ZNF469: variants seen among roughly 807,000 people sequenced by gnomAD.
The protein encoded by ZNF469 is zinc finger protein 469.
In ZNF469, 1 loss-of-function variant was observed where a neutral mutation model predicts 1.0. The observed-to-expected ratio is 1.00, with a 90% CI of 0.35 to 4.73. The LOEUF is 4.73. Ranked by LOEUF, ZNF469 falls within the 30% of genes most tolerant of loss-of-function variation. The probability of loss-of-function intolerance (pLI) is 0.16; values close to 1 mark genes in which losing one functional copy is unlikely to be tolerated. For missense variants in ZNF469, 6,100 were observed against 5,356.3 expected, an observed-to-expected ratio of 1.14 and a Z score of -4.33; for synonymous variants, 2,703 against 2,363.4, an observed-to-expected ratio of 1.14 and a Z score of -4.17.
chr16:88,134,333 C>T, the ZNF469 span, among the ~76,000 whole-genome samples: 4,723 of 152,230 alleles, frequency 0.031, 251 homozygotes, highest in African/African-American at 0.11. Flanking sequence ...TTTGGGCAAA[C>T]GTTTACGAAC....
the ZNF469 span, among the ~76,000 whole-genome samples, chr16:88,222,811 C>T: frequency 1.3e-4 from 20 of 152,106 alleles, no homozygotes; most frequent in Non-Finnish European, 2.5e-4. Flanking sequence ...ATTGCCCAAG[C>T]AGCTCTTGAA....
the ZNF469 span, among the ~76,000 whole-genome samples, chr16:88,117,954 T>A: frequency 2.0e-5 from 3 of 152,190 alleles, no homozygotes; most frequent in African/African-American, 7.2e-5. Context: ...TATTTCTTTG[T>A]TTTTTTGAGA....
At chr16:88,421,313 C>T (rs898463244) in intron 1 of ZNF469, among the ~76,000 whole-genome samples, 3 of 152,164 alleles carry the variant, frequency 2.0e-5, no homozygotes, top group Admixed American at 6.5e-5. Flanking sequence ...GAAAAGGAGC[C>T]GCTCGTGCTC....
the ZNF469 span, among the ~76,000 whole-genome samples, chr16:88,265,473 G>A: frequency 1.3e-5 from 2 of 152,344 alleles, no homozygotes; most frequent in Admixed American, 6.5e-5. Flanking sequence ...GGGGCAGGGG[G>A]ACATCCAGGA....
intron 1 of ZNF469, among the ~76,000 whole-genome samples, chr16:88,395,206 G>C (rs1011961158): frequency 6.6e-6 from 1 of 151,650 alleles, no homozygotes. Context: ...TGGGTATGTG[G>C]ATGGATGGGT....
At chr16:88,187,442 G>A in the ZNF469 span, among the ~76,000 whole-genome samples, 11 of 152,176 alleles carry the variant, frequency 7.2e-5, no homozygotes, top group Non-Finnish European at 1.5e-4. Context: ...GCTCCTAAAC[G>A]CAACATCTCA....
At chr16:88,388,788 A>T (rs1904407167) in intron 1 of ZNF469, among the ~76,000 whole-genome samples, 1 of 149,492 alleles carries the variant, frequency 6.7e-6, no homozygotes, top group Non-Finnish European at 1.5e-5. Flanking sequence ...CAATCTCCAT[A>T]CTGGAGGAAG....
Position 88,436,105 on chromosome 16 carries a change from G to C in ZNF469, c.8635G>C (p.Gly2879Arg). Reference sequence around the variant, plus strand: ...TAGAAAGAGGAACCCGCATGTCTACGGGAAGCGCTGTGAGAAGCCGGTGCT... The same window carrying C: ...TAGAAAGAGGAACCCGCATGTCTACCGGAAGCGCTGTGAGAAGCCGGTGCT... ...LTRKRNPHVY[G>R]KRCEKPVLPL... The change falls in exon 3 of 3, where the codon GGG (glycine) becomes CGG (arginine). Residue 2879 changes from glycine (G) to arginine (R), a missense_variant. Transcript: ENST00000565624. 6.5e-7 allele frequency: 1 copy of C among 1,549,048 alleles called. No individual in the cohort carries two copies. Among genetic ancestry groups the C allele is most frequent in the East Asian group, 2.4e-5 (1 of 40,912 alleles).
the ZNF469 span, among the ~76,000 whole-genome samples, chr16:88,282,547 T>A: frequency 6.6e-6 from 1 of 152,152 alleles, no homozygotes; most frequent in Non-Finnish European, 1.5e-5. Flanking sequence ...GTGGTGACCA[T>A]CTGGAGCCAA....
chr16:88,222,758 G>GAA, the ZNF469 span, among the ~76,000 whole-genome samples: 195 of 146,946 alleles, frequency 1.3e-3, no homozygotes, highest in Non-Finnish European at 1.9e-3. Flanking sequence ...ACTCCATCCC[G>GAA]AAAAAAAAAA....
At chr16:88,220,038 A>C in the ZNF469 span, among the ~76,000 whole-genome samples, 1 of 152,090 alleles carries the variant, frequency 6.6e-6, no homozygotes, top group Non-Finnish European at 1.5e-5. Flanking sequence ...GTTCTCCAAT[A>C]CTTGACATGA....
intron 2 of ZNF469, among the ~76,000 whole-genome samples, chr16:88,425,487 G>A (rs1905660782): frequency 6.8e-6 from 1 of 147,080 alleles, no homozygotes; most frequent in Non-Finnish European, 1.5e-5. Context: ...GTGCAGGGCA[G>A]GAGATGTGCA....
rs1906692551 is a variant in ZNF469, at chr16:88,437,682, C to T, written c.10212C>T (p.Cys3404=). 6.5e-7 allele frequency: 1 copy of T among 1,549,488 alleles called. No individual in the cohort carries two copies. The highest frequency in any genetic ancestry group is 1.4e-5 in the African/African-American group (1 of 73,148). The change falls in exon 3 of 3, where the codon TGC becomes TGT. Residue 3404 remains cysteine (C), a synonymous_variant. Transcript: ENST00000565624. ...PELQHTPLYA[C]ELCATVMRII... is the part of the protein sequence containing the mutation. ...TGCAGCACACGCCGCTGTATGCCTG[C>T]GAGCTCTGCGCCACGGTTATGCGCA...
chr16:88,264,483 C>T, the ZNF469 span, among the ~76,000 whole-genome samples: 7,951 of 150,420 alleles, frequency 0.053, 733 homozygotes, highest in African/African-American at 0.19. Context: ...CCCACCCCAG[C>T]CTCCCCACCT....
the ZNF469 span, among the ~76,000 whole-genome samples, chr16:88,213,998 G>T: frequency 6.6e-6 from 1 of 152,156 alleles, no homozygotes; most frequent in South Asian, 2.1e-4. Flanking sequence ...TTTTGTTCTT[G>T]CTGATCTGTG....
At chr16:88,310,438 G>A in the ZNF469 span, among the ~76,000 whole-genome samples, 1 of 152,110 alleles carries the variant, frequency 6.6e-6, no homozygotes, top group African/African-American at 2.4e-5. Context: ...ACACAGCCCT[G>A]CGTGCTGCCC....
the ZNF469 span, among the ~76,000 whole-genome samples, chr16:88,166,596 A>T: frequency 4.8e-3 from 728 of 152,184 alleles, 1 homozygote; most frequent in African/African-American, 0.013. The surrounding 1 kb of genome is among the most constrained non-coding windows in gnomAD (Gnocchi z 4.5). Flanking sequence ...CATTGTCCTG[A>T]CTGTTTCATC....
chr16:88,307,517 T>C, the ZNF469 span, among the ~76,000 whole-genome samples: 1 of 152,214 alleles, frequency 6.6e-6, no homozygotes, highest in Non-Finnish European at 1.5e-5. Context: ...TTATTGTCTG[T>C]CTTTTTGGTG....
the ZNF469 span, among the ~76,000 whole-genome samples, chr16:88,273,546 G>C: frequency 1.3e-5 from 2 of 152,182 alleles, no homozygotes; most frequent in Non-Finnish European, 2.9e-5. Flanking sequence ...CCTCCTGCAA[G>C]GTTGGTGGGA....
Sources: allele counts gnomAD v4.1 joint callset (sites outside exome capture counted in the v4.1 genomes callset), GRCh38; gene constraint gnomAD v4.1.1; non-coding constraint Gnocchi (gnomAD v3.1); transcripts MANE v1.5; gene names NCBI Gene and HGNC (gene_info 2026-07-23, HGNC 2026-07-21).